ZNF143: variants seen among roughly 807,000 people sequenced by gnomAD.
The protein encoded by ZNF143 is SPH-binding factor.
Under a neutral mutation model 74.1 loss-of-function variants are expected in ZNF143, and 49 were observed. The observed-to-expected ratio is 0.66, with a 90% CI of 0.53 to 0.84. The LOEUF is 0.84. Among genes scored for constraint, ZNF143 ranks in the 40% least tolerant of loss-of-function variants. The pLI is 0.00. For synonymous variants in ZNF143, 304 were observed against 282.8 expected, an observed-to-expected ratio of 1.07 and a Z score of -0.75; for missense variants, 637 against 793.4, an observed-to-expected ratio of 0.80 and a Z score of 2.37.
intron 7 of ZNF143, among the ~76,000 whole-genome samples, chr11:9,490,369 A>G (rs1268770153): frequency 7.2e-6 from 1 of 137,972 alleles, no homozygotes; most frequent in East Asian, 2.1e-4. Flanking sequence ...GGCTCACTGC[A>G]GCCTCAACCT....
At chr11:9,487,745 AT>A (rs1482695297) in intron 7 of ZNF143, among the ~76,000 whole-genome samples, 6 of 152,184 alleles carry the variant, frequency 3.9e-5, no homozygotes, top group Non-Finnish European at 8.8e-5. Flanking sequence ...GCTGATTAGT[AT>A]TTCACTGGTG....
At chr11:9,472,793 T>C (rs747469541) in intron 3 of ZNF143, 24 bp downstream of exon 3, 1 of 1,516,734 alleles carries the variant, frequency 6.6e-7, no homozygotes, top group Non-Finnish European at 8.8e-7. Flanking sequence ...ATATGGCTGA[T>C]TGGTTAATAC....
At chr11:9,519,964 T>C (rs1343917353) in intron 14 of ZNF143, among the ~76,000 whole-genome samples, 2 of 151,808 alleles carry the variant, frequency 1.3e-5, no homozygotes, top group Admixed American at 1.3e-4. Flanking sequence ...GGTCGGAGGA[T>C]TGCTTGAGCC....
At chr11:9,473,696 C>A in intron 3 of ZNF143, 1 of 1,220,464 alleles carries the variant, frequency 8.2e-7, no homozygotes, top group Non-Finnish European at 1.1e-6. Flanking sequence ...CTGTGATGAG[C>A]CACTCTTCCT....
intron 10 of ZNF143, among the ~76,000 whole-genome samples, chr11:9,498,319 A>G (rs1055969659): frequency 6.6e-6 from 1 of 152,232 alleles, no homozygotes; most frequent in Non-Finnish European, 1.5e-5. Flanking sequence ...CGTCCCAGAA[A>G]AGATTAACAG....
intron 11 of ZNF143, among the ~76,000 whole-genome samples, chr11:9,503,378 T>C (rs1848237131): frequency 6.6e-6 from 1 of 152,090 alleles, no homozygotes. Context: ...TACTTAGGAG[T>C]GGACTTGCTG....
At chr11:9,520,167 G>T (rs1250439486) in intron 14 of ZNF143, among the ~76,000 whole-genome samples, 1 of 149,474 alleles carries the variant, frequency 6.7e-6, no homozygotes, top group Non-Finnish European at 1.5e-5. Context: ...CTCCTTAGTA[G>T]CAGGATTACA....
chr11:9,505,051 G>C lies in ZNF143; in HGVS notation c.1148-3568G>C, dbSNP rs191819802. 3.5e-5 allele frequency among the ~76,000 whole-genome samples: 4 copies of C among 114,094 alleles called. 1 individual carries two copies. The East Asian group carries it at 1.0e-3, about 29-fold the overall frequency. 74.9% of individuals were successfully genotyped at this position (114,094 alleles called of 152,430 possible). On this transcript the variant is annotated intron_variant, in intron 11 of 15. Transcript: ENST00000396602. ...TGCAATGGCACGATCTAGGCTCACTGCAACCTCCGCCTCCTGGGTTCAAGT... is the reference window on the plus strand; with the variant it reads ...TGCAATGGCACGATCTAGGCTCACTCCAACCTCCGCCTCCTGGGTTCAAGT...
At chr11:9,484,428 T>C (rs1847375156) in intron 7 of ZNF143, among the ~76,000 whole-genome samples, 1 of 150,868 alleles carries the variant, frequency 6.6e-6, no homozygotes, top group African/African-American at 2.5e-5. Flanking sequence ...TTGGCCAGGC[T>C]GATCACAAAC....
At chr11:9,498,780 C>T (rs1051541957) in intron 10 of ZNF143, among the ~76,000 whole-genome samples, 1 of 152,126 alleles carries the variant, frequency 6.6e-6, no homozygotes, top group Non-Finnish European at 1.5e-5. Flanking sequence ...ATGTTTTAAA[C>T]GTGGTGTGAT....
chr11:9,521,045 C>G (rs1002607585), intron 14 of ZNF143, among the ~76,000 whole-genome samples: 2 of 152,162 alleles, frequency 1.3e-5, no homozygotes, highest in African/African-American at 4.8e-5. Flanking sequence ...GGTACAGAGA[C>G]TTCCCTTACA....
chr11:9,483,549 C>T (rs1183461482), intron 7 of ZNF143, among the ~76,000 whole-genome samples: 1 of 150,708 alleles, frequency 6.6e-6, no homozygotes, highest in Non-Finnish European at 1.5e-5. Context: ...GCCCACTTGG[C>T]CTCCCAAAGT....
chr11:9,481,942 G>A (rs192766236), intron 7 of ZNF143, among the ~76,000 whole-genome samples: 113 of 147,044 alleles, frequency 7.7e-4, no homozygotes, highest in African/African-American at 2.0e-3. Flanking sequence ...CAGAACTGCT[G>A]AGGCAAAATG....
chr11:9,501,407 A>G (rs1848152617), intron 11 of ZNF143, 137 bp downstream of exon 11: 4 of 1,014,364 alleles, frequency 3.9e-6, no homozygotes, highest in South Asian at 1.7e-5. Flanking sequence ...AGCAACTTGA[A>G]AAAGTTTCAC....
intron 7 of ZNF143, 39 bp downstream of exon 7, chr11:9,479,585 G>A (rs769790114): frequency 7.8e-6 from 12 of 1,534,926 alleles, no homozygotes; most frequent in Middle Eastern, 3.5e-4. Flanking sequence ...ATCTAGCTTA[G>A]CATTTCTGTG....
At chr11:9,464,499 G>T (rs1856071970) in intron 1 of ZNF143, among the ~76,000 whole-genome samples, 1 of 152,070 alleles carries the variant, frequency 6.6e-6, no homozygotes, top group Admixed American at 6.6e-5. Flanking sequence ...TACTCGGGAG[G>T]CTGAGGCAGG....
chr11:9,486,445 T>TTATATATATAATATATATAATATATAA (rs201824332), intron 7 of ZNF143, among the ~76,000 whole-genome samples: 2 of 35,468 alleles, frequency 5.6e-5, no homozygotes. Flanking sequence ...ATATAATATA[T>TTATATATATAATATATATAATATATAA]TATATATATT....
intron 2 of ZNF143, 52 bp from the exon 3 acceptor site, chr11:9,472,625 A>T: frequency 6.9e-7 from 1 of 1,457,638 alleles, no homozygotes; most frequent in East Asian, 2.3e-5. Context: ...AAAATTAATC[A>T]GCATGTCCAT....
At chr11:9,489,632 C>G (rs916433749) in intron 7 of ZNF143, among the ~76,000 whole-genome samples, 1 of 152,150 alleles carries the variant, frequency 6.6e-6, no homozygotes, top group African/African-American at 2.4e-5. Flanking sequence ...AGAAAAGATT[C>G]AGATATGAGT....
Sources: allele counts gnomAD v4.1 joint callset (sites outside exome capture counted in the v4.1 genomes callset), GRCh38; gene constraint gnomAD v4.1.1; transcripts MANE v1.5; gene names NCBI Gene and HGNC (gene_info 2026-07-23, HGNC 2026-07-21).